Variants in SLC22A9 observed in about 807,000 individuals in gnomAD.
SLC22A9 encodes the protein solute carrier family 22 member 9, also known as organic anion transporter 7.
SLC22A9 carries 64 observed loss-of-function variants against 50.1 expected under a neutral mutation model. The observed-to-expected ratio is 1.28, with a 90% CI of 1.04 to 1.57. The LOEUF (loss-of-function observed/expected upper bound fraction) is 1.57, where lower values mean the gene tolerates loss of function less well. SLC22A9 is among the 40% of genes most tolerant of loss of function. The probability of loss-of-function intolerance (pLI) is 0.00; values close to 1 mark genes in which losing one functional copy is unlikely to be tolerated. For missense variants in SLC22A9, 757 were observed against 676.1 expected (o/e 1.12, Z -1.33); for synonymous variants, 261 against 242.5 (o/e 1.08, Z -0.71).
intron 2 of SLC22A9, 57 bp downstream of exon 2, chr11:63,371,295 C>T: frequency 4.6e-6 from 6 of 1,299,864 alleles, no homozygotes; most frequent in Non-Finnish European, 4.4e-6. Context: ...ACTTATGAAA[C>T]ATTATTTCAT....
chr11:63,373,765 G>A lies in SLC22A9; in HGVS notation c.628G>A (p.Ala210Thr). ...ACTACGCTTCTTGTCTGGGATTGCTGCAATGAGCCTCATAACAAATACTAT... is the reference window on the plus strand; with the variant it reads ...ACTACGCTTCTTGTCTGGGATTGCTACAATGAGCCTCATAACAAATACTAT... ...CSLRFLSGIA[A>T]MSLITNTIML... Residue 210 changes from alanine to threonine, a missense_variant, in exon 3 of 10, where the codon GCA (alanine) becomes ACA (threonine). By Grantham distance (58) the Ala-to-Thr change is moderately conservative (BLOSUM62 0). Coordinates refer to ENST00000279178, the MANE Select transcript of SLC22A9 (RefSeq NM_080866.3). The A allele has an allele frequency of 6.2e-7, 1 of 1,612,788 alleles. No homozygotes were observed. The highest frequency in any genetic ancestry group is 8.5e-7 in the Non-Finnish European group (1 of 1,179,362).
chr11:63,384,043 A>G (rs2014615809), intron 6 of SLC22A9, among the ~76,000 whole-genome samples: 1 of 103,896 alleles, frequency 9.6e-6, no homozygotes, highest in South Asian at 2.9e-4. Context: ...GCGAGACTCC[A>G]TCTAAGAAAA....
chr11:63,376,684 C>A (rs954121411), intron 5 of SLC22A9, among the ~76,000 whole-genome samples: 2 of 151,678 alleles, frequency 1.3e-5, no homozygotes, highest in Non-Finnish European at 2.9e-5. Flanking sequence ...TAAGAGCAAG[C>A]CTCTTAATAT....
intron 6 of SLC22A9, among the ~76,000 whole-genome samples, chr11:63,404,165 AAAAG>A (rs894816369): frequency 1.3e-5 from 2 of 152,286 alleles, no homozygotes; most frequent in African/African-American, 4.8e-5. Context: ...TTAGCCTCAA[AAAAG>A]AAAGAAAAAG....
chr11:63,405,224 A>C lies in SLC22A9; in HGVS notation c.1074-1273A>C, dbSNP rs76527649. Among the ~76,000 whole-genome samples the C allele has an allele frequency of 3.0e-3, 458 of 152,326 alleles. 5 individuals carry two copies. Among genetic ancestry groups the C allele is most frequent in the African/African-American group, 0.01 (436 of 41,588 alleles). ...TTAAAGTTTGCAGGTAAATGCCTGA[A>C]TAGTTCATTTAAAGGAAGCAACAGG... On this transcript the variant is annotated intron_variant, in intron 6 of 9. Coordinates refer to ENST00000279178, the MANE Select transcript of SLC22A9 (RefSeq NM_080866.3).
chr11:63,373,901 G>A lies in SLC22A9; in HGVS notation c.669G>A (p.Glu223=). The A allele has an allele frequency of 6.2e-7, 1 of 1,612,954 alleles. No homozygotes were observed. Among genetic ancestry groups the A allele is most frequent in the South Asian group, 1.1e-5 (1 of 90,866 alleles). The change falls in exon 4 of 10, where the codon GAG becomes GAA. Residue 223 remains glutamate (E), a synonymous_variant. Coordinates refer to ENST00000279178, the MANE Select transcript of SLC22A9 (RefSeq NM_080866.3). Reference sequence around the variant, plus strand: ...ATCTGTTTTTTCTTCCAGTAGCCGAGTGGGCAACACACAGATTCCAGGCCA... The same window carrying A: ...ATCTGTTTTTTCTTCCAGTAGCCGAATGGGCAACACACAGATTCCAGGCCA... The part of the protein sequence containing the change: ...LITNTIMLIA[E]WATHRFQAMG...
At chr11:63,404,772 C>G (rs901877846) in intron 6 of SLC22A9, among the ~76,000 whole-genome samples, 1 of 152,226 alleles carries the variant, frequency 6.6e-6, no homozygotes, top group Middle Eastern at 3.4e-3. Context: ...GGCTCTTATC[C>G]GACCCATGTA....
rs1555017405 is a variant in SLC22A9, at chr11:63,410,260, A to AAAAAAAAAGAAG, written c.*398_*399insAAAAAAAAGAAG. The AAAAAAAAAGAAG allele has an allele frequency of 2.9e-5, 4 of 136,808 alleles. No individual in the cohort carries two copies. The highest frequency in any genetic ancestry group is 6.6e-5 in the African/African-American group (2 of 30,346). 8.5% of individuals were successfully genotyped at this position (136,808 alleles called of 1,614,324 possible). ...TCTCAAAAAAAAAAAAAAAAAAAAA[A>AAAAAAAAAGAAG]GAAAGAAGGAAAGAAAGAAAGAAAA... On this transcript the variant is annotated 3_prime_UTR_variant, in exon 10 of 10. Coordinates refer to ENST00000279178, the MANE Select transcript of SLC22A9 (RefSeq NM_080866.3).
intron 6 of SLC22A9, among the ~76,000 whole-genome samples, chr11:63,405,277 G>A (rs1480492489): frequency 5.9e-5 from 9 of 152,122 alleles, no homozygotes; most frequent in Admixed American, 4.6e-4. Context: ...CAGCTAAACA[G>A]GAGAGATGAC....
intron 6 of SLC22A9, among the ~76,000 whole-genome samples, chr11:63,396,320 C>T (rs1056008313): frequency 6.6e-6 from 1 of 152,176 alleles, no homozygotes; most frequent in Non-Finnish European, 1.5e-5. Flanking sequence ...CACAAAGTGC[C>T]AGGCAGGAAT....
In SLC22A9 at chr11:63,397,213, AC is replaced by A. The variant is rs371552477; in HGVS notation, c.1074-9283del. Among the ~76,000 whole-genome samples, 17 of 152,308 alleles carry A rather than the reference AC, an allele frequency of 1.1e-4. No individual in the cohort carries two copies. In the East Asian group the frequency reaches 2.5e-3, roughly 23 times the overall value. On this transcript the variant is annotated intron_variant, in intron 6 of 9. Coordinates refer to ENST00000279178, the MANE Select transcript of SLC22A9 (RefSeq NM_080866.3). Reference sequence around the variant, plus strand: ...GCAGATACTTTTGTTCTCTTCCCTTACTTTCTCTGAAACAAATGGGCATTTT... The same window carrying A: ...GCAGATACTTTTGTTCTCTTCCCTTATTTCTCTGAAACAAATGGGCATTTT...
chr11:63,409,869 C>G lies in SLC22A9; in HGVS notation c.*7C>G. On this transcript the variant is annotated 3_prime_UTR_variant, in exon 10 of 10. Transcript: ENST00000279178. ...GGAAGTGACGCAGTTTTAAGGAATT[C>G]CAGGAGCTGACTGCCGATCAATGAG... 6.2e-7 allele frequency: 1 copy of G among 1,613,166 alleles called. No homozygotes were observed. The highest frequency in any genetic ancestry group is 8.5e-7 in the Non-Finnish European group (1 of 1,179,604).
At chr11:63,378,981 T>C (rs2014513130) in intron 5 of SLC22A9, among the ~76,000 whole-genome samples, 1 of 152,080 alleles carries the variant, frequency 6.6e-6, no homozygotes, top group East Asian at 1.9e-4. Flanking sequence ...CCTATCAAAC[T>C]ACCAAAGACA....
intron 7 of SLC22A9, among the ~76,000 whole-genome samples, chr11:63,406,982 A>G (rs535564690): frequency 6.6e-6 from 1 of 152,356 alleles, no homozygotes; most frequent in African/African-American, 2.4e-5. Flanking sequence ...CAGTTTCTCT[A>G]CAACAGCAAT....
At chr11:63,394,546 T>G (rs952887742) in intron 6 of SLC22A9, among the ~76,000 whole-genome samples, 8 of 152,180 alleles carry the variant, frequency 5.3e-5, no homozygotes, top group African/African-American at 1.7e-4. Flanking sequence ...AGGCTGAAGA[T>G]AGGACCCCAA....
Position 63,388,714 on chromosome 11 carries a change from A to T in SLC22A9, c.1073+6437A>T, listed in dbSNP as rs185637689. 6.9e-3 allele frequency among the ~76,000 whole-genome samples: 937 copies of T among 136,140 alleles called. 10 individuals carry two copies. Among genetic ancestry groups the T allele is most frequent in the African/African-American group, 0.024 (854 of 36,034 alleles). The allele number at this position is 136,140 out of a possible 152,430, so 89.3% of individuals were successfully genotyped here. A position where few individuals can be genotyped will look rare whatever the true frequency, so the allele number is the denominator to read the frequency against. On this transcript the variant is annotated intron_variant, in intron 6 of 9. Coordinates refer to ENST00000279178, the MANE Select transcript of SLC22A9 (RefSeq NM_080866.3). ...GAATGAGTTTGGAAGTATTCCCTCC[A>T]CCTGTATTTTTTTTTTGAATAATAT...
At chr11:63,394,281 G>T (rs1231783732) in intron 6 of SLC22A9, among the ~76,000 whole-genome samples, 1 of 151,442 alleles carries the variant, frequency 6.6e-6, no homozygotes, top group Non-Finnish European at 1.5e-5. Context: ...TGGTTTTTTG[G>T]TTTTTCTTTT....
chr11:63,388,756 G>T (rs1366206114), intron 6 of SLC22A9, among the ~76,000 whole-genome samples: 1 of 151,620 alleles, frequency 6.6e-6, no homozygotes, highest in African/African-American at 2.4e-5. Flanking sequence ...AATGGCATTA[G>T]TTCTTCCTTA....
In SLC22A9 at chr11:63,371,258, A is replaced by G; in HGVS notation, c.506+20A>G. 1 of 1,559,956 alleles carries G rather than the reference A, an allele frequency of 6.4e-7. No individual in the cohort carries two copies. Among genetic ancestry groups the G allele is most frequent in the Non-Finnish European group, 8.8e-7 (1 of 1,134,480 alleles). On this transcript the variant is annotated intron_variant, in intron 2 of 9. Transcript: ENST00000279178. The stretch of plus-strand genomic sequence containing the variant: ...AGACAGGTGAGTGTGTATGGAACAC[A>G]GCTCTCTTTAAGGGCATTTTTTATC...
Sources: allele counts gnomAD v4.1 joint callset (sites outside exome capture counted in the v4.1 genomes callset), GRCh38; gene constraint gnomAD v4.1.1; transcripts MANE v1.5; gene names NCBI Gene and HGNC (gene_info 2026-07-23, HGNC 2026-07-21).